The following RGL1 variants were observed in gnomAD, a reference collection of about 807,000 sequenced individuals.
RGL1 encodes ral guanine nucleotide dissociation stimulator like 1.
In RGL1, 24 loss-of-function variants were observed where a neutral mutation model predicts 95.2. That is an observed-to-expected ratio of 0.25 (90% CI 0.18 to 0.35). RGL1 has a LOEUF of 0.35. Among genes scored for constraint, RGL1 ranks in the 10% least tolerant of loss-of-function variants. RGL1 has a pLI of 1.00. For missense variants in RGL1, 715 were observed against 936.3 expected (o/e 0.76, Z 3.08); for synonymous variants, 329 against 344.9 (o/e 0.95, Z 0.51).
At chr1:183,890,512 C>G (rs1667354700) in intron 8 of RGL1, among the ~76,000 whole-genome samples, 1 of 152,122 alleles carries the variant, frequency 6.6e-6, no homozygotes, top group Non-Finnish European at 1.5e-5. Flanking sequence ...TGTCACAGTT[C>G]CTTAGAGAAC....
At chr1:183,693,198 C>T (rs1364223761) in intron 1 of RGL1, among the ~76,000 whole-genome samples, 1 of 152,106 alleles carries the variant, frequency 6.6e-6, no homozygotes, top group Admixed American at 6.5e-5. Context: ...TTGTGATCTG[C>T]CCACCTCGGC....
chr1:183,750,395 G>A (rs758994195), intron 2 of RGL1, among the ~76,000 whole-genome samples: 1 of 152,176 alleles, frequency 6.6e-6, no homozygotes, highest in East Asian at 1.9e-4. Flanking sequence ...CTTGTGCTGT[G>A]TTTTTCAGCT....
At position 183,651,041 on chromosome 1, in the gene RGL1, T is replaced by G. The variant is rs111260519; in HGVS notation, c.-33+14540T>G. Among the ~76,000 whole-genome samples, 245 of 152,332 alleles carry G rather than the reference T, an allele frequency of 1.6e-3. 1 individual carries two copies. Among genetic ancestry groups the G allele is most frequent in the Non-Finnish European group, 2.2e-3 (149 of 68,038 alleles). On this transcript the variant is annotated intron_variant, in intron 1 of 18. Transcript: ENST00000304685. Reference sequence around the variant, plus strand: ...TCAAGAATATTAAATCTGCCACATTTGCTGCTAATATTTTACCTGGTTTAT... The same window carrying G: ...TCAAGAATATTAAATCTGCCACATTGGCTGCTAATATTTTACCTGGTTTAT...
intron 1 of RGL1, among the ~76,000 whole-genome samples, chr1:183,703,639 A>G (rs1482116300): frequency 6.6e-6 from 1 of 152,240 alleles, no homozygotes; most frequent in Non-Finnish European, 1.5e-5. Context: ...AACTTACCAC[A>G]AACCTCACCT....
intron 2 of RGL1, among the ~76,000 whole-genome samples, chr1:183,760,404 T>C (rs1300197223): frequency 1.3e-5 from 2 of 152,110 alleles, no homozygotes; most frequent in African/African-American, 4.8e-5. Flanking sequence ...CAATGTTGTT[T>C]GATAGCATTT....
intron 1 of RGL1, among the ~76,000 whole-genome samples, chr1:183,710,632 C>G (rs1003944415): frequency 6.6e-6 from 1 of 152,122 alleles, no homozygotes; most frequent in Non-Finnish European, 1.5e-5. Flanking sequence ...ACAATCATGG[C>G]AGAAGGTAAA....
At chr1:183,875,240 G>A (rs1294544506) in intron 4 of RGL1, among the ~76,000 whole-genome samples, 1 of 152,146 alleles carries the variant, frequency 6.6e-6, no homozygotes, top group Non-Finnish European at 1.5e-5. Flanking sequence ...TTTTTGTCAC[G>A]GTAATCCTAT....
chr1:183,763,392 TA>T (rs914991375), intron 2 of RGL1, among the ~76,000 whole-genome samples: 15 of 152,054 alleles, frequency 9.9e-5, no homozygotes, highest in African/African-American at 3.4e-4. Flanking sequence ...TATATATATA[TA>T]AAAAAACACA....
intron 10 of RGL1, among the ~76,000 whole-genome samples, chr1:183,899,599 G>A (rs186355134): frequency 6.6e-6 from 1 of 152,330 alleles, no homozygotes; most frequent in East Asian, 1.9e-4. Flanking sequence ...ATGGTGACAC[G>A]AATGATGTTG....
intron 14 of RGL1, among the ~76,000 whole-genome samples, chr1:183,911,530 G>A (rs1398398146): frequency 6.6e-6 from 1 of 152,200 alleles, no homozygotes; most frequent in African/African-American, 2.4e-5. Context: ...TAGCTCGCGT[G>A]CTTCTGGTTT....
chr1:183,924,399 A>G (rs1362972724), intron 17 of RGL1, among the ~76,000 whole-genome samples: 2 of 152,172 alleles, frequency 1.3e-5, no homozygotes, highest in Admixed American at 6.5e-5. Flanking sequence ...TCTCACTCAT[A>G]AGTGGGAGTT....
intron 1 of RGL1, among the ~76,000 whole-genome samples, chr1:183,642,070 A>G (rs148713543): frequency 4.7e-4 from 72 of 152,334 alleles, no homozygotes; most frequent in African/African-American, 1.6e-3. Context: ...GATTATCACA[A>G]ATTCTAGTAG....
At chr1:183,852,475 G>A (rs1458788141) in intron 3 of RGL1, among the ~76,000 whole-genome samples, 1 of 152,014 alleles carries the variant, frequency 6.6e-6, no homozygotes, top group Non-Finnish European at 1.5e-5. Flanking sequence ...TTTGTGTTGG[G>A]GCTTTGAGAT....
At position 183,708,439 on chromosome 1, in the gene RGL1, G is replaced by A. The variant is rs185460876; in HGVS notation, c.-32-33687G>A. 8.5e-5 allele frequency among the ~76,000 whole-genome samples: 13 copies of A among 152,258 alleles called. No homozygotes were observed. The East Asian group carries it at 1.4e-3, about 16-fold the overall frequency. On this transcript the variant is annotated intron_variant, in intron 1 of 18. Transcript: ENST00000304685. ...ACCTCTTATATTAGAGAGTTTCAGT[G>A]CCTCACCCAGTCTTATGAACTAACC... is the stretch of plus-strand genomic sequence containing the variant.
intron 1 of RGL1, among the ~76,000 whole-genome samples, chr1:183,717,444 A>C (rs1422252499): frequency 6.6e-6 from 1 of 152,248 alleles, no homozygotes; most frequent in Non-Finnish European, 1.5e-5. Flanking sequence ...GTAATAATTT[A>C]TGAAAAGTAT....
At chr1:183,729,131 C>T (rs1656479636) in intron 1 of RGL1, among the ~76,000 whole-genome samples, 1 of 151,762 alleles carries the variant, frequency 6.6e-6, no homozygotes, top group South Asian at 2.1e-4. Context: ...ATTTAAAACC[C>T]GTTTATAAGA....
chr1:183,660,961 G>C (rs1651574697), intron 1 of RGL1, among the ~76,000 whole-genome samples: 1 of 152,004 alleles, frequency 6.6e-6, no homozygotes, highest in African/African-American at 2.4e-5. Context: ...ATGACTACTG[G>C]GTACGTAACG....
intron 1 of RGL1, among the ~76,000 whole-genome samples, chr1:183,707,244 C>T (rs980073713): frequency 6.6e-6 from 1 of 152,116 alleles, no homozygotes; most frequent in Non-Finnish European, 1.5e-5. Context: ...GATACGGTCC[C>T]AGTCTTCTGG....
chr1:183,652,039 C>T (rs546448328), intron 1 of RGL1, among the ~76,000 whole-genome samples: 3 of 152,352 alleles, frequency 2.0e-5, no homozygotes, highest in East Asian at 1.9e-4. Flanking sequence ...TCAACTCACC[C>T]ATAGACAATT....
Sources: allele counts gnomAD v4.1 joint callset (sites outside exome capture counted in the v4.1 genomes callset), GRCh38; gene constraint gnomAD v4.1.1; transcripts MANE v1.5; gene names NCBI Gene and HGNC (gene_info 2026-07-23, HGNC 2026-07-21).